Variants in DNA2 observed in about 807,000 individuals in gnomAD.
DNA2 encodes the protein DNA replication ATP-dependent helicase/nuclease DNA2.
In DNA2, 101 loss-of-function variants were observed where a neutral mutation model predicts 119.1. That is an observed-to-expected ratio of 0.85 (90% CI 0.72 to 1.00). The LOEUF (loss-of-function observed/expected upper bound fraction) is 1.00. DNA2 is among the 50% of genes least tolerant of loss of function. The pLI is 0.00. For missense variants in DNA2, 1,121 were observed against 1,255.5 expected, an observed-to-expected ratio of 0.89 and a Z score of 1.62; for synonymous variants, 366 against 424.4, an observed-to-expected ratio of 0.86 and a Z score of 1.69.
At chr10:68,452,804 G>A (rs542571133) in intron 5 of DNA2, among the ~76,000 whole-genome samples, 17 of 130,370 alleles carry the variant, frequency 1.3e-4, no homozygotes, top group African/African-American at 3.2e-4. Flanking sequence ...GGCTGATCTC[G>A]AACTCCTGGT....
At chr10:68,456,950 C>A (rs185573559) in intron 5 of DNA2, among the ~76,000 whole-genome samples, 2 of 151,342 alleles carry the variant, frequency 1.3e-5, no homozygotes, top group Non-Finnish European at 2.9e-5. Flanking sequence ...CTGGCTAACA[C>A]GGTGAAACCC....
Position 68,431,898 on chromosome 10 carries a change from C to A in DNA2, c.1947G>T (p.Met649Ile), listed in dbSNP as rs1216959823. Residue 649 changes from methionine (M) to isoleucine (I), a missense_variant, in exon 13 of 21, where the codon ATG becomes ATT. Transcript: ENST00000358410. ...LSKDYTLIVG[M>I]PGTGKTTTIC... Reference sequence around the variant, plus strand: ...TCGTAGTTGTTTTTCCTGTCCCAGGCATACCCACGATGAGTGTGTAGTCTT... The same window carrying A: ...TCGTAGTTGTTTTTCCTGTCCCAGGAATACCCACGATGAGTGTGTAGTCTT... 6.2e-7 allele frequency: 1 copy of A among 1,613,802 alleles called. No individual in the cohort carries two copies.
chr10:68,462,975 C>CA (rs1231678488), intron 4 of DNA2, among the ~76,000 whole-genome samples: 1 of 150,430 alleles, frequency 6.6e-6, no homozygotes, highest in Non-Finnish European at 1.5e-5. Flanking sequence ...CTAACAAATG[C>CA]AAAAAAATTA....
At chr10:68,435,734 G>A (rs185495915) in intron 10 of DNA2, among the ~76,000 whole-genome samples, 6 of 152,016 alleles carry the variant, frequency 3.9e-5, no homozygotes, top group Admixed American at 2.6e-4. Context: ...GATTACAGAC[G>A]TGAGCCACCA....
rs2051571098 is a variant in DNA2 at position 68,415,127 on chromosome 10, A to C, written c.3115-20T>G. 1.4e-6 allele frequency: 2 copies of C among 1,473,042 alleles called. No homozygotes were observed. The highest frequency in any genetic ancestry group is 2.8e-5 in the African/African-American group (2 of 71,806). 91.2% of individuals were successfully genotyped at this position (1,473,042 alleles called of 1,614,324 possible). ...AATGATGTAAAATAAATTAAGGAAG[A>C]AATATTTAGCACAATATGGAATGGC... On this transcript the variant is annotated intron_variant, in intron 20 of 20. Transcript: ENST00000358410.
At position 68,450,239 on chromosome 10, in the gene DNA2, T is replaced by C. The variant is rs1428930667; in HGVS notation, c.728A>G (p.Asp243Gly). 1 of 1,561,446 alleles carries C rather than the reference T, an allele frequency of 6.4e-7. No homozygotes were observed. Among genetic ancestry groups the C allele is most frequent in the East Asian group, 2.3e-5 (1 of 43,472 alleles). Residue 243 changes from aspartate to glycine, a missense_variant, in exon 6 of 21, where the codon GAT becomes GGT. Coordinates refer to ENST00000358410, the MANE Select transcript of DNA2 (RefSeq NM_001080449.3). ...FPQMQLSLPS[D>G]NSKDNSTCNI... ...ACATGTTGAATTATCCTTACTATTA[T>C]CACTTGGCCTGAAAAAAAAAAAAGC...
rs760514766 is a variant in DNA2, at chr10:68,437,058, T to A, written c.1599A>T (p.Gly533=). 6.2e-7 allele frequency: 1 copy of A among 1,613,338 alleles called. No individual in the cohort carries two copies. Among genetic ancestry groups the A allele is most frequent in the Admixed American group, 1.7e-5 (1 of 59,912 alleles). The change falls in exon 10 of 21, where the codon GGA becomes GGT. Residue 533 remains glycine (G), a synonymous_variant. Transcript: ENST00000358410. ...EERSLFALSR[G]YVKEINMTTV... ...TTGTCATGTTAATCTCCTTCACATA[T>A]CCTCTAGACAAAGCAAACAGTGACC... is the stretch of plus-strand genomic sequence containing the variant.
At chr10:68,436,964 A>T (rs1430588847) in intron 10 of DNA2, 47 bp downstream of exon 10, 7 of 1,417,802 alleles carry the variant, frequency 4.9e-6, no homozygotes, top group Non-Finnish European at 6.9e-6. Flanking sequence ...ACAGATGTGA[A>T]TTATATATCA....
Position 68,468,249 on chromosome 10 carries a change from A to G in DNA2, c.315T>C (p.Ser105=). 1.2e-6 allele frequency: 2 copies of G among 1,611,320 alleles called. No individual in the cohort carries two copies. The highest frequency in any genetic ancestry group is 2.2e-5 in the East Asian group (1 of 44,806). ...AATCTTTATCTATTATCCAAGTGTC[A>G]GATGTGCAGTCTCCCTCCAAATGAA... The part of the protein sequence containing the change: ...DIIHLEGDCT[S]DTWIIDKDFG... The change falls in exon 3 of 21, where the codon TCT becomes TCC. Residue 105 remains serine, a synonymous_variant. Coordinates refer to ENST00000358410, the MANE Select transcript of DNA2 (RefSeq NM_001080449.3).
intron 10 of DNA2, among the ~76,000 whole-genome samples, chr10:68,433,638 T>C: frequency 6.6e-6 from 1 of 152,168 alleles, no homozygotes; most frequent in East Asian, 1.9e-4. Context: ...CAAGCTGTTA[T>C]CTCACCGCAG....
intron 9 of DNA2, among the ~76,000 whole-genome samples, chr10:68,440,906 C>A (rs1375087832): frequency 6.6e-6 from 1 of 152,118 alleles, no homozygotes; most frequent in Non-Finnish European, 1.5e-5. Context: ...CTAGGCCAGG[C>A]ATAGTGGCTT....
In DNA2 at chr10:68,430,517, G is replaced by C; in HGVS notation, c.2127C>G (p.Ile709Met). ...AAATTTCTTGCTCTGTAAATTGCTG[G>C]ATAGCTGGATGAACCTTCTGAATCT... Reference protein sequence around the residue: ...LGQIQKVHPAIQQFTEQEICR... With the variant: ...LGQIQKVHPAMQQFTEQEICR... Residue 709 changes from isoleucine to methionine, a missense_variant, in exon 14 of 21, where the codon ATC (isoleucine) becomes ATG (methionine). By Grantham distance (10) the Ile-to-Met change is conservative. Transcript: ENST00000358410. 1.9e-6 allele frequency: 3 copies of C among 1,611,942 alleles called. No homozygotes were observed. Among genetic ancestry groups the C allele is most frequent in the Non-Finnish European group, 2.5e-6 (3 of 1,179,026 alleles).
At chr10:68,466,929 C>G (rs142667209) in intron 3 of DNA2, among the ~76,000 whole-genome samples, 88 of 151,936 alleles carry the variant, frequency 5.8e-4, no homozygotes, top group Non-Finnish European at 1.1e-3. Flanking sequence ...TAGCTCATGC[C>G]TATAGTCCCA....
chr10:68,452,361 C>T (rs2052130095), intron 5 of DNA2, among the ~76,000 whole-genome samples: 2 of 152,176 alleles, frequency 1.3e-5, no homozygotes, highest in African/African-American at 4.8e-5. Context: ...GCAAGATCCA[C>T]TGCACTGGGT....
chr10:68,451,760 T>C (rs553509253), intron 5 of DNA2, among the ~76,000 whole-genome samples: 2 of 142,948 alleles, frequency 1.4e-5, no homozygotes, highest in South Asian at 2.2e-4. Flanking sequence ...TATTTCTTCC[T>C]TTTTTTTTTT....
chr10:68,469,792 TC>T (rs757265552), intron 2 of DNA2, among the ~76,000 whole-genome samples, 188 bp downstream of exon 2: 4 of 152,060 alleles, frequency 2.6e-5, no homozygotes, highest in Non-Finnish European at 4.4e-5. Context: ...ACAACAAAAG[TC>T]AATTTTTGGA....
intron 14 of DNA2, among the ~76,000 whole-genome samples, chr10:68,423,836 G>A (rs1040303303): frequency 6.6e-6 from 1 of 152,192 alleles, no homozygotes; most frequent in Non-Finnish European, 1.5e-5. Flanking sequence ...AAGGCTGAGT[G>A]GGGAACCCAC....
At chr10:68,440,105 A>G (rs1177267936) in intron 9 of DNA2, among the ~76,000 whole-genome samples, 1 of 151,850 alleles carries the variant, frequency 6.6e-6, no homozygotes, top group Non-Finnish European at 1.5e-5. Context: ...GGAGTTCCAG[A>G]CTAGCCTGGC....
intron 5 of DNA2, among the ~76,000 whole-genome samples, chr10:68,450,558 C>A (rs1174087027): frequency 6.6e-6 from 1 of 152,186 alleles, no homozygotes; most frequent in Non-Finnish European, 1.5e-5. Context: ...AACCACTGTT[C>A]TACGGGCTCT....
Sources: gnomAD v4.1 joint callset for allele counts (sites outside exome capture counted in the v4.1 genomes callset) on GRCh38, gnomAD v4.1.1 for gene constraint, MANE v1.5 for transcripts, NCBI Gene and HGNC (gene_info 2026-07-23, HGNC 2026-07-21) for gene names.